TENM2: variants seen among roughly 807,000 people sequenced by gnomAD.
TENM2 encodes teneurin transmembrane protein 2.
Under a neutral mutation model 245.2 loss-of-function variants are expected in TENM2, and 52 were observed. The ratio of observed to expected loss-of-function variants is 0.21; its 90% CI spans 0.17 to 0.27. The LOEUF is 0.27. Among genes scored for constraint, TENM2 ranks in the 10% least tolerant of loss-of-function variants. TENM2 has a pLI of 1.00. For synonymous variants in TENM2, 1,363 were observed against 1,438.9 expected (o/e 0.95, Z 1.19); for missense variants, 3,046 against 3,666.8 (o/e 0.83, Z 4.37).
intron 2 of TENM2, among the ~76,000 whole-genome samples, chr5:167,798,070 C>G (rs1765446453): frequency 6.6e-6 from 1 of 152,188 alleles, no homozygotes; most frequent in African/African-American, 2.4e-5. Context: ...TTTTCAATGA[C>G]TCATCCTGAT....
the TENM2 span, among the ~76,000 whole-genome samples, chr5:167,106,113 A>G: frequency 5.3e-5 from 8 of 152,146 alleles, no homozygotes; most frequent in African/African-American, 1.4e-4. Context: ...GAATGAGATA[A>G]TGCCTATAAA....
chr5:167,847,957 T>A (rs1770202726), intron 2 of TENM2, among the ~76,000 whole-genome samples: 1 of 152,234 alleles, frequency 6.6e-6, no homozygotes, highest in Non-Finnish European at 1.5e-5. Flanking sequence ...CCTTTAGATT[T>A]CAGTTTGGGT....
chr5:167,349,331 A>G (rs2127835948), intron 1 of TENM2, among the ~76,000 whole-genome samples: 1 of 152,294 alleles, frequency 6.6e-6, no homozygotes, highest in East Asian at 1.9e-4. Context: ...TATTTTATAA[A>G]TGCAAAAACT....
chr5:168,055,881 A>G (rs1390439284), intron 6 of TENM2, among the ~76,000 whole-genome samples: 1 of 152,238 alleles, frequency 6.6e-6, no homozygotes, highest in Non-Finnish European at 1.5e-5. Flanking sequence ...ATTCAAACCC[A>G]GGCTGACTAG....
At position 167,421,625 on chromosome 5, in the gene TENM2, T is replaced by C. The variant is rs146686843; in HGVS notation, c.502+46152T>C. On this transcript the variant is annotated intron_variant, in intron 2 of 28. Transcript: ENST00000518659. ...AATAAACTGGATTTAAGATGGCTCT[T>C]CCACGTCCATTAGCTCTGTGGACTC... is the stretch of plus-strand genomic sequence containing the variant. Among the ~76,000 whole-genome samples, 724 of 152,300 alleles carry C rather than the reference T, an allele frequency of 4.8e-3. 6 individuals carry two copies. Among genetic ancestry groups the C allele is most frequent in the African/African-American group, 0.017 (698 of 41,550 alleles).
At chr5:167,028,962 A>T in the TENM2 span, among the ~76,000 whole-genome samples, 1 of 151,964 alleles carries the variant, frequency 6.6e-6, no homozygotes, top group Non-Finnish European at 1.5e-5. Flanking sequence ...TCCAGGTCTA[A>T]TTTTTTTTAA....
chr5:167,012,921 A>G, the TENM2 span, among the ~76,000 whole-genome samples: 1 of 152,110 alleles, frequency 6.6e-6, no homozygotes, highest in Non-Finnish European at 1.5e-5. Context: ...TGAGTAAATA[A>G]GCATGTAAGG....
intron 2 of TENM2, chr5:167,754,928 T>G (rs1762200076): frequency 7.9e-7 from 1 of 1,266,206 alleles, no homozygotes; most frequent in East Asian, 2.5e-5. Context: ...GAGCAGATAT[T>G]GCCTATTATG....
At chr5:167,794,886 ATTTC>A (rs1765216899) in intron 2 of TENM2, among the ~76,000 whole-genome samples, 1 of 152,170 alleles carries the variant, frequency 6.6e-6, no homozygotes, top group South Asian at 2.1e-4. Context: ...GCTGATATTA[ATTTC>A]TTTCTTTTCA....
chr5:167,397,988 A>G (rs1468240275), intron 2 of TENM2, among the ~76,000 whole-genome samples: 1 of 152,040 alleles, frequency 6.6e-6, no homozygotes, highest in Admixed American at 6.6e-5. Context: ...AACTATATAT[A>G]CTCCATGCAC....
At chr5:167,722,127 C>T (rs1759670556) in intron 2 of TENM2, among the ~76,000 whole-genome samples, 1 of 152,174 alleles carries the variant, frequency 6.6e-6, no homozygotes, top group African/African-American at 2.4e-5. Flanking sequence ...CACCCAAAGC[C>T]TGCATGGCTC....
chr5:167,657,810 T>C (rs999044833), intron 2 of TENM2, among the ~76,000 whole-genome samples: 3 of 152,092 alleles, frequency 2.0e-5, no homozygotes, highest in African/African-American at 4.8e-5. Flanking sequence ...TTAGAAAAAA[T>C]AGATAGTAGG....
chr5:167,825,178 G>T (rs1206865277), intron 2 of TENM2, among the ~76,000 whole-genome samples: 1 of 152,122 alleles, frequency 6.6e-6, no homozygotes, highest in Non-Finnish European at 1.5e-5. Context: ...AAAGCTTCTG[G>T]AGGTGGAATC....
chr5:167,932,898 T>C (rs1778395851), intron 3 of TENM2, among the ~76,000 whole-genome samples: 3 of 152,102 alleles, frequency 2.0e-5, no homozygotes. Context: ...CCACCAACCA[T>C]AGCAGCCTAC....
chr5:168,063,845 TA>T (rs1308931529), intron 7 of TENM2, among the ~76,000 whole-genome samples: 1 of 152,092 alleles, frequency 6.6e-6, no homozygotes, highest in Non-Finnish European at 1.5e-5. Flanking sequence ...ATATAAGAAC[TA>T]AAAGGACTAT....
chr5:167,599,138 T>A (rs1362417801), intron 2 of TENM2, among the ~76,000 whole-genome samples: 5 of 152,254 alleles, frequency 3.3e-5, no homozygotes, highest in Non-Finnish European at 7.3e-5. Context: ...CTTGTATCTT[T>A]GTGCATAGCT....
intron 5 of TENM2, among the ~76,000 whole-genome samples, chr5:168,025,359 GA>G (rs1247722330): frequency 9.2e-5 from 14 of 152,196 alleles, no homozygotes; most frequent in African/African-American, 3.4e-4. Flanking sequence ...GGTTAAAGTG[GA>G]AAAGTGTTTG....
the TENM2 span, among the ~76,000 whole-genome samples, chr5:167,191,305 A>G: frequency 2.0e-5 from 3 of 152,048 alleles, no homozygotes; most frequent in African/African-American, 7.2e-5. Flanking sequence ...ATTAAAATAT[A>G]TATATGTTGT....
chr5:167,844,988 A>T (rs1365948619), intron 2 of TENM2, among the ~76,000 whole-genome samples: 1 of 151,976 alleles, frequency 6.6e-6, no homozygotes, highest in Non-Finnish European at 1.5e-5. Flanking sequence ...AATGTCTGTT[A>T]TCACCCAGGT....
Sources: gnomAD v4.1 joint callset for allele counts (sites outside exome capture counted in the v4.1 genomes callset) on GRCh38, gnomAD v4.1.1 for gene constraint, MANE v1.5 for transcripts, NCBI Gene and HGNC (gene_info 2026-07-23, HGNC 2026-07-21) for gene names.